PARD3: variants seen among roughly 807,000 people sequenced by gnomAD.
PARD3 encodes par-3 family cell polarity regulator, also known as partitioning defective 3 homolog.
PARD3 carries 75 observed loss-of-function variants against 155.4 expected under a neutral mutation model. The ratio of observed to expected loss-of-function variants is 0.48; its 90% CI spans 0.40 to 0.58. The LOEUF is 0.58. Ranked by LOEUF, PARD3 falls within the 20% of genes least tolerant of loss-of-function variation. PARD3 has a pLI of 0.00. For missense variants in PARD3, 1,642 were observed against 1,721.7 expected, an observed-to-expected ratio of 0.95 and a Z score of 0.82; for synonymous variants, 576 against 610.5, an observed-to-expected ratio of 0.94 and a Z score of 0.83.
chr10:34,569,487 G>A (rs1181251890), intron 2 of PARD3, among the ~76,000 whole-genome samples: 4 of 151,898 alleles, frequency 2.6e-5, no homozygotes, highest in Non-Finnish European at 4.4e-5. Flanking sequence ...GCATGATCTC[G>A]GCTCACTGCA....
intron 19 of PARD3, among the ~76,000 whole-genome samples, chr10:34,326,384 T>C (rs1040356717): frequency 3.9e-5 from 6 of 152,014 alleles, no homozygotes; most frequent in Non-Finnish European, 8.8e-5. Context: ...TAGGTTATTC[T>C]TCTTCTTAGC....
intron 22 of PARD3, among the ~76,000 whole-genome samples, chr10:34,173,585 A>G (rs954414870): frequency 1.3e-5 from 2 of 152,190 alleles, no homozygotes; most frequent in Non-Finnish European, 2.9e-5. Flanking sequence ...AGTAAACTGA[A>G]GTATAGAAGA....
At chr10:34,718,761 G>A (rs969622568) in intron 1 of PARD3, among the ~76,000 whole-genome samples, 4 of 152,084 alleles carry the variant, frequency 2.6e-5, no homozygotes, top group Admixed American at 2.0e-4. Context: ...TCAGGAGTTC[G>A]AGACCAGCCT....
intron 22 of PARD3, among the ~76,000 whole-genome samples, chr10:34,242,011 T>C (rs1248205543): frequency 6.6e-6 from 1 of 152,192 alleles, no homozygotes; most frequent in Non-Finnish European, 1.5e-5. Flanking sequence ...CTAGGTATCA[T>C]TTAAACAGAA....
chr10:34,211,060 T>G lies in PARD3; in HGVS notation c.3419+58597A>C, dbSNP rs183630916. On this transcript the variant is annotated intron_variant, in intron 22 of 24. Coordinates refer to ENST00000374788, the MANE Select transcript of PARD3 (RefSeq NM_001184785.2). ...ATTAACACGGATTAACAGAATCTAC[T>G]TCACCGGGTTGACGTGAGAATTGAG... Among the ~76,000 whole-genome samples, 8 of 152,306 alleles carry G rather than the reference T, an allele frequency of 5.3e-5. No individual in the cohort carries two copies. The East Asian group carries it at 1.4e-3, about 26-fold the overall frequency.
At chr10:34,635,514 TACAGAACTAAGGGAGATAGTAAAGC>T (rs1252235020) in intron 2 of PARD3, among the ~76,000 whole-genome samples, 4 of 152,154 alleles carry the variant, frequency 2.6e-5, no homozygotes, top group African/African-American at 9.7e-5. Context: ...ACAGGGTTGC[TACAGAACTAAGGGAGATAGTAAAGC>T]ACTCAGAACA....
At chr10:34,611,439 C>T (rs1247936061) in intron 2 of PARD3, among the ~76,000 whole-genome samples, 1 of 152,108 alleles carries the variant, frequency 6.6e-6, no homozygotes, top group Admixed American at 6.6e-5. Flanking sequence ...ACCAAACCAT[C>T]AAAAGGAACG....
chr10:34,742,763 T>C (rs2095041918), intron 1 of PARD3, among the ~76,000 whole-genome samples: 1 of 152,216 alleles, frequency 6.6e-6, no homozygotes, highest in Non-Finnish European at 1.5e-5. Flanking sequence ...TTTGCAATTA[T>C]CTGTAAAAAC....
intron 1 of PARD3, among the ~76,000 whole-genome samples, chr10:34,710,242 G>A (rs1016423918): frequency 7.9e-5 from 12 of 152,136 alleles, no homozygotes; most frequent in South Asian, 2.1e-4. Flanking sequence ...GTTGTTCACC[G>A]ACTGTTACAT....
At chr10:34,355,131 T>C (rs926949762) in intron 14 of PARD3, among the ~76,000 whole-genome samples, 1 of 151,764 alleles carries the variant, frequency 6.6e-6, no homozygotes, top group Non-Finnish European at 1.5e-5. Flanking sequence ...AGCCCAGGAG[T>C]TTAAAACCAA....
intron 2 of PARD3, among the ~76,000 whole-genome samples, chr10:34,619,553 T>C (rs537659133): frequency 6.6e-6 from 1 of 152,218 alleles, no homozygotes. Context: ...TTTTCTTTTT[T>C]AATTTTTATT....
intron 21 of PARD3, among the ~76,000 whole-genome samples, chr10:34,273,045 G>A (rs974252914): frequency 2.0e-5 from 3 of 152,058 alleles, no homozygotes; most frequent in African/African-American, 7.2e-5. Context: ...TGTCACCCTG[G>A]AAAATAGCCT....
chr10:34,585,714 CT>C (rs1358738846), intron 2 of PARD3, among the ~76,000 whole-genome samples: 1 of 152,004 alleles, frequency 6.6e-6, no homozygotes, highest in Non-Finnish European at 1.5e-5. Context: ...AGGCTTCTGC[CT>C]TTTGTAAAAT....
At chr10:34,560,088 T>C (rs1590016737) in intron 2 of PARD3, among the ~76,000 whole-genome samples, 2 of 152,332 alleles carry the variant, frequency 1.3e-5, no homozygotes, top group East Asian at 3.9e-4. Flanking sequence ...TCAGAATAAT[T>C]GAAAATATTG....
intron 1 of PARD3, among the ~76,000 whole-genome samples, chr10:34,811,166 A>G (rs973091670): frequency 6.6e-6 from 1 of 152,126 alleles, no homozygotes; most frequent in African/African-American, 2.4e-5. Flanking sequence ...ACCTCATCTA[A>G]GGTTGCTCAG....
intron 5 of PARD3, among the ~76,000 whole-genome samples, chr10:34,424,597 C>G (rs182959944): frequency 1.3e-5 from 2 of 152,266 alleles, no homozygotes; most frequent in Admixed American, 1.3e-4. Flanking sequence ...TCACTGCAAC[C>G]TCTGTCTCCC....
chr10:34,437,959 C>CT (rs1166976942), intron 5 of PARD3, among the ~76,000 whole-genome samples: 18 of 152,038 alleles, frequency 1.2e-4, no homozygotes, highest in Non-Finnish European at 2.4e-4. Flanking sequence ...TATAAGAACA[C>CT]TTTTTTGGCT....
intron 2 of PARD3, among the ~76,000 whole-genome samples, chr10:34,606,120 A>AATAG (rs2090397785): frequency 6.7e-6 from 1 of 148,922 alleles, no homozygotes; most frequent in South Asian, 2.1e-4. Context: ...ATACAGAACT[A>AATAG]CATATATCTA....
At chr10:34,326,558 T>C (rs1292871925) in intron 19 of PARD3, among the ~76,000 whole-genome samples, 5 of 152,236 alleles carry the variant, frequency 3.3e-5, no homozygotes, top group African/African-American at 1.2e-4. Flanking sequence ...GATAAAATTA[T>C]ACTTAGTTTG....
Sources: gnomAD v4.1 joint callset for allele counts (sites outside exome capture counted in the v4.1 genomes callset) on GRCh38, gnomAD v4.1.1 for gene constraint, MANE v1.5 for transcripts, NCBI Gene and HGNC (gene_info 2026-07-23, HGNC 2026-07-21) for gene names.